Variants in CADM2 observed in about 807,000 individuals in gnomAD.
The protein encoded by CADM2 is immunoglobulin superfamily member 4D.
A neutral mutation model predicts 49.8 loss-of-function variants in CADM2; 12 were observed. That is an observed-to-expected ratio of 0.24 (90% CI 0.15 to 0.39). The LOEUF (loss-of-function observed/expected upper bound fraction) is 0.39. Ranked by LOEUF, CADM2 falls within the 10% of genes least tolerant of loss-of-function variation. CADM2 has a pLI of 1.00. For missense variants in CADM2, 378 were observed against 492.3 expected (o/e 0.77, Z 2.20); for synonymous variants, 214 against 175.4 (o/e 1.22, Z -1.74).
At chr3:85,167,956 T>C (rs2107679407) in intron 1 of CADM2, among the ~76,000 whole-genome samples, 1 of 152,204 alleles carries the variant, frequency 6.6e-6, no homozygotes, top group Admixed American at 6.5e-5. Context: ...ACTGTTAGAC[T>C]CCCTGCATCC....
At chr3:86,020,921 C>T (rs1297637369) in intron 8 of CADM2, among the ~76,000 whole-genome samples, 3 of 152,222 alleles carry the variant, frequency 2.0e-5, no homozygotes, top group African/African-American at 7.2e-5. Flanking sequence ...CCTTTGAAAA[C>T]TGGCACAAGA....
chr3:85,371,677 GTA>G (rs1167720851), intron 1 of CADM2, among the ~76,000 whole-genome samples: 3,850 of 94,796 alleles, frequency 0.041, 85 homozygotes, highest in African/African-American at 0.064. Flanking sequence ...GTGTGTGTGT[GTA>G]TATATATATA....
chr3:85,339,973 C>G (rs1033650329), intron 1 of CADM2, among the ~76,000 whole-genome samples: 3 of 150,874 alleles, frequency 2.0e-5, no homozygotes, highest in Non-Finnish European at 4.5e-5. Flanking sequence ...ATAAGTGTCA[C>G]TATTAAGGAA....
At chr3:85,065,879 A>G (rs184933491) in intron 1 of CADM2, among the ~76,000 whole-genome samples, 4 of 152,306 alleles carry the variant, frequency 2.6e-5, no homozygotes, top group Non-Finnish European at 4.4e-5. Context: ...ACCTTCAACA[A>G]TAACTTTCTT....
intron 1 of CADM2, among the ~76,000 whole-genome samples, chr3:85,204,979 C>A (rs2041596502): frequency 6.6e-6 from 1 of 150,648 alleles, no homozygotes; most frequent in Non-Finnish European, 1.5e-5. Context: ...AGTGGTTTTA[C>A]AGATAATATA....
At chr3:85,656,364 C>G (rs535643936) in intron 1 of CADM2, among the ~76,000 whole-genome samples, 1 of 152,032 alleles carries the variant, frequency 6.6e-6, no homozygotes, top group African/African-American at 2.4e-5. Flanking sequence ...CGCCTGTAAT[C>G]CTAGCACTTT....
chr3:85,123,467 T>C (rs1411145978), intron 1 of CADM2, among the ~76,000 whole-genome samples: 2 of 152,166 alleles, frequency 1.3e-5, no homozygotes, highest in African/African-American at 4.8e-5. Context: ...TCGAATACAG[T>C]GACCTCTAAG....
At chr3:85,197,481 G>A (rs905688847) in intron 1 of CADM2, among the ~76,000 whole-genome samples, 1 of 151,848 alleles carries the variant, frequency 6.6e-6, no homozygotes. Context: ...GAGATATCCC[G>A]TGCCTGTGGA....
chr3:85,205,740 G>GA (rs960348712), intron 1 of CADM2, among the ~76,000 whole-genome samples: 19 of 150,276 alleles, frequency 1.3e-4, no homozygotes, highest in Middle Eastern at 3.4e-3. Context: ...ATGCTCACCA[G>GA]AAAAAAAAAG....
chr3:85,210,769 T>C (rs1054747688), intron 1 of CADM2, among the ~76,000 whole-genome samples: 15 of 152,242 alleles, frequency 9.9e-5, no homozygotes, highest in Middle Eastern at 3.4e-3. Context: ...CTCAAACTGC[T>C]GAGCTGAAGT....
At chr3:85,475,024 T>C (rs572404973) in intron 1 of CADM2, among the ~76,000 whole-genome samples, 30 of 151,992 alleles carry the variant, frequency 2.0e-4, no homozygotes, top group Non-Finnish European at 1.6e-4. Flanking sequence ...CAGATCCACC[T>C]TGAGATTAAG....
At chr3:85,767,997 A>T (rs1020976674) in intron 2 of CADM2, among the ~76,000 whole-genome samples, 2 of 152,160 alleles carry the variant, frequency 1.3e-5, no homozygotes, top group Admixed American at 1.3e-4. Context: ...TTTGTTGATT[A>T]TAACTGATTA....
intron 1 of CADM2, among the ~76,000 whole-genome samples, chr3:85,119,697 C>T (rs2038783944): frequency 6.6e-6 from 1 of 152,016 alleles, no homozygotes; most frequent in Non-Finnish European, 1.5e-5. Flanking sequence ...TTGTAGTTCT[C>T]CTTGAAGAGG....
At chr3:85,648,273 ATGG>A (rs1301801854) in intron 1 of CADM2, among the ~76,000 whole-genome samples, 1 of 151,952 alleles carries the variant, frequency 6.6e-6, no homozygotes, top group African/African-American at 2.4e-5. Context: ...TGTCAAATAA[ATGG>A]TGATTATTAA....
intron 1 of CADM2, among the ~76,000 whole-genome samples, chr3:85,069,203 A>G (rs879209099): frequency 6.6e-6 from 1 of 151,990 alleles, no homozygotes; most frequent in Non-Finnish European, 1.5e-5. Context: ...AAAAGATTTG[A>G]TACTGTAAAT....
chr3:85,323,479 T>C (rs539886492), intron 1 of CADM2, among the ~76,000 whole-genome samples: 2 of 152,300 alleles, frequency 1.3e-5, no homozygotes, highest in African/African-American at 4.8e-5. Flanking sequence ...GATTGTGTCA[T>C]AGCTGTCACC....
At chr3:85,429,194 G>T (rs1356778227) in intron 1 of CADM2, among the ~76,000 whole-genome samples, 2 of 152,032 alleles carry the variant, frequency 1.3e-5, no homozygotes, top group Non-Finnish European at 2.9e-5. Context: ...CCATGTTCTA[G>T]CTGTGTTCTA....
chr3:85,295,546 A>G (rs59171160), intron 1 of CADM2, among the ~76,000 whole-genome samples: 33,461 of 151,230 alleles, frequency 0.22, 5,924 homozygotes, highest in African/African-American at 0.5. Flanking sequence ...CAACCCAAAT[A>G]TCCAACAATG....
At chr3:85,578,269 C>T (rs926740555) in intron 1 of CADM2, among the ~76,000 whole-genome samples, 14 of 152,042 alleles carry the variant, frequency 9.2e-5, no homozygotes, top group African/African-American at 3.4e-4. Flanking sequence ...CAAAACAAAG[C>T]TAAAATTACT....
Sources: allele counts gnomAD v4.1 joint callset (sites outside exome capture counted in the v4.1 genomes callset), GRCh38; gene constraint gnomAD v4.1.1; transcripts MANE v1.5; gene names NCBI Gene and HGNC (gene_info 2026-07-23, HGNC 2026-07-21).